FLNB: variants seen among roughly 807,000 people sequenced by gnomAD.
FLNB encodes filamin-B.
Under a neutral mutation model 250.6 loss-of-function variants are expected in FLNB, and 111 were observed. The observed-to-expected ratio is 0.44, with a 90% confidence interval of 0.38 to 0.52. The LOEUF (loss-of-function observed/expected upper bound fraction) is 0.52. Among genes scored for constraint, FLNB ranks in the 20% least tolerant of loss-of-function variants. FLNB has a pLI of 0.00. For missense variants in FLNB, 2,869 were observed against 3,447.8 expected, an observed-to-expected ratio of 0.83 and a Z score of 4.20; for synonymous variants, 1,302 against 1,372.1, an observed-to-expected ratio of 0.95 and a Z score of 1.13.
At chr3:58,140,001 C>T (rs2097323868) in intron 29 of FLNB, among the ~76,000 whole-genome samples, 1 of 152,148 alleles carries the variant, frequency 6.6e-6, no homozygotes, top group South Asian at 2.1e-4. Flanking sequence ...AGCAAGAATA[C>T]TTTGTGTTTA....
At chr3:58,117,985 C>T (rs1292779923) in intron 18 of FLNB, among the ~76,000 whole-genome samples, 2 of 152,146 alleles carry the variant, frequency 1.3e-5, no homozygotes, top group Admixed American at 6.5e-5. Flanking sequence ...TACATTATGC[C>T]TGGCCGATTG....
chr3:58,016,291 G>T (rs2097105644), intron 1 of FLNB, among the ~76,000 whole-genome samples: 1 of 151,822 alleles, frequency 6.6e-6, no homozygotes. Flanking sequence ...CTGACCTCAG[G>T]TGATCCACCC....
chr3:58,061,132 C>A (rs2097177930), intron 1 of FLNB, among the ~76,000 whole-genome samples: 1 of 152,154 alleles, frequency 6.6e-6, no homozygotes, highest in African/African-American at 2.4e-5. Flanking sequence ...GCCCTACCAC[C>A]CCACCTCACC....
At chr3:58,132,066 T>G in intron 25 of FLNB, 1 of 1,282,276 alleles carries the variant, frequency 7.8e-7, no homozygotes, top group Non-Finnish European at 1.1e-6. Flanking sequence ...CAAATGCTTC[T>G]TGCTGGCCTC....
rs1000098671 is a variant in FLNB, at chr3:58,105,205, T to TG, written c.1740dup (p.Ser581ValfsTer7). On this transcript the variant is annotated frameshift_variant, in exon 11 of 46. Transcript: ENST00000295956. LOFTEE classifies it high-confidence loss of function. ...GTGGTAGAATCCATTGGCTCTGAAG[T>TG]GGGGTCTCTGGGTAAGTGGACACAG... 24 of 1,613,924 alleles carry TG rather than the reference T, an allele frequency of 1.5e-5. No homozygotes were observed. The highest frequency in any genetic ancestry group is 1.9e-5 in the Non-Finnish European group (22 of 1,179,990).
rs561954686 is a variant in FLNB, at chr3:58,150,325, A to C, written c.6367+98A>C. 8.7e-6 allele frequency: 12 copies of C among 1,387,086 alleles called. No homozygotes were observed. The Admixed American group carries it at 1.2e-4, about 14-fold the overall frequency. 85.9% of individuals were successfully genotyped at this position (1,387,086 alleles called of 1,614,324 possible). ...CAAGTTTAGGCATGGCCCAGAACAC[A>C]GTATCCAAGTCGGCTGTGCTGACCT... On this transcript the variant is annotated intron_variant, in intron 38 of 45. Transcript: ENST00000295956.
At chr3:58,060,575 A>T (rs1226889454) in intron 1 of FLNB, among the ~76,000 whole-genome samples, 1 of 150,740 alleles carries the variant, frequency 6.6e-6, no homozygotes, top group Non-Finnish European at 1.5e-5. Context: ...CTGGTCTCGA[A>T]CTCCTGATCA....
chr3:58,074,978 C>T (rs1230726377), intron 1 of FLNB, among the ~76,000 whole-genome samples: 2 of 152,028 alleles, frequency 1.3e-5, no homozygotes, highest in African/African-American at 4.8e-5. Context: ...TAATTAAATT[C>T]TGATGATTTC....
In FLNB at chr3:58,106,622, A is replaced by G. The variant is rs1282517821; in HGVS notation, c.1748-58A>G. The G allele has an allele frequency of 7.8e-6, 12 of 1,528,864 alleles. No individual in the cohort carries two copies. In the East Asian group the frequency reaches 9.0e-5, roughly 11 times the overall value. 94.7% of individuals were successfully genotyped at this position (1,528,864 alleles called of 1,614,324 possible). On this transcript the variant is annotated intron_variant, in intron 11 of 45. Transcript: ENST00000295956. ...GGCAGCGGGAATGAGCTGTCGTAACATAGAATAGGTGCTTTCCACCATATA... is the reference window on the plus strand; with the variant it reads ...GGCAGCGGGAATGAGCTGTCGTAACGTAGAATAGGTGCTTTCCACCATATA...
At chr3:58,046,178 G>A (rs2097153820) in intron 1 of FLNB, among the ~76,000 whole-genome samples, 1 of 152,000 alleles carries the variant, frequency 6.6e-6, no homozygotes, top group Admixed American at 6.6e-5. Flanking sequence ...TAGCTGGGCT[G>A]GGCTAGAACC....
chr3:58,063,538 T>C (rs1390796013), intron 1 of FLNB, among the ~76,000 whole-genome samples: 1 of 152,068 alleles, frequency 6.6e-6, no homozygotes, highest in Non-Finnish European at 1.5e-5. Flanking sequence ...GCAGGCAGAG[T>C]TCCCCCTATC....
At chr3:58,088,661 C>G (rs2097221135) in intron 4 of FLNB, among the ~76,000 whole-genome samples, 1 of 152,186 alleles carries the variant, frequency 6.6e-6, no homozygotes, top group South Asian at 2.1e-4. Context: ...AAAGTGCCAA[C>G]AAAAGCTCCC....
Position 58,008,443 on chromosome 3 carries a change from C to T in FLNB, c.-122C>T, listed in dbSNP as rs1302903618. 1 of 1,205,418 alleles carries T rather than the reference C, an allele frequency of 8.3e-7. No homozygotes were observed. Among genetic ancestry groups the T allele is most frequent in the Non-Finnish European group, 1.2e-6 (1 of 844,008 alleles). 74.7% of individuals were successfully genotyped at this position (1,205,418 alleles called of 1,614,324 possible). Reference sequence around the variant, plus strand: ...CCGCAGAGCAGCACCGGCCGTGGCTCCGGTAGCAGCAAGTTCGAACCCCGC... The same window carrying T: ...CCGCAGAGCAGCACCGGCCGTGGCTTCGGTAGCAGCAAGTTCGAACCCCGC... On this transcript the variant is annotated 5_prime_UTR_variant, in exon 1 of 46. Coordinates refer to ENST00000295956, the MANE Select transcript of FLNB (RefSeq NM_001457.4).
At chr3:58,054,063 G>A (rs1371186722) in intron 1 of FLNB, among the ~76,000 whole-genome samples, 1 of 152,152 alleles carries the variant, frequency 6.6e-6, no homozygotes, top group Non-Finnish European at 1.5e-5. Flanking sequence ...GGCAAAGAAG[G>A]GCCCAGTAGT....
At chr3:58,069,836 T>C (rs187628977) in intron 1 of FLNB, among the ~76,000 whole-genome samples, 1 of 152,154 alleles carries the variant, frequency 6.6e-6, no homozygotes, top group Non-Finnish European at 1.5e-5. Context: ...AAATTGAACA[T>C]TTCAACCACC....
At chr3:58,106,626 A>G (rs1320110984) in intron 11 of FLNB, 54 bp from the exon 12 acceptor site, 1 of 1,539,560 alleles carries the variant, frequency 6.5e-7, no homozygotes. Context: ...CGTAACATAG[A>G]ATAGGTGCTT....
At chr3:58,127,096 G>A (rs904177884) in intron 24 of FLNB, among the ~76,000 whole-genome samples, 1 of 152,182 alleles carries the variant, frequency 6.6e-6, no homozygotes, top group Non-Finnish European at 1.5e-5. Context: ...GCCAAGGCAT[G>A]CAGATTGCTT....
intron 42 of FLNB, chr3:58,162,929 CTGTGTTTATAGGATTTGCAATG>C (rs2097364105): frequency 1.7e-6 from 1 of 575,920 alleles, no homozygotes; most frequent in Non-Finnish European, 3.1e-6. Flanking sequence ...GAGTCTTGTC[CTGTGTTTATAGGATTTGCAATG>C]TGGATGCGTT....
intron 32 of FLNB, among the ~76,000 whole-genome samples, chr3:58,145,279 A>T (rs1466348265): frequency 2.0e-5 from 3 of 152,230 alleles, no homozygotes; most frequent in African/African-American, 7.2e-5. Flanking sequence ...TGGTATTCAT[A>T]GTTTATAGCA....
Sources: gnomAD v4.1 joint callset for allele counts (sites outside exome capture counted in the v4.1 genomes callset) on GRCh38, gnomAD v4.1.1 for gene constraint, MANE v1.5 for transcripts, NCBI Gene and HGNC (gene_info 2026-07-23, HGNC 2026-07-21) for gene names.